The following DNAJC3 variants were observed in gnomAD, a reference collection of about 807,000 sequenced individuals.
DNAJC3 encodes dnaJ homolog subfamily C member 3.
DNAJC3 carries 38 observed loss-of-function variants against 68.6 expected under a neutral mutation model. The ratio of observed to expected loss-of-function variants is 0.55; its 90% CI spans 0.43 to 0.73. The LOEUF is 0.73. Ranked by LOEUF, DNAJC3 falls within the 30% of genes least tolerant of loss-of-function variation. The probability of loss-of-function intolerance (pLI) is 0.00; values close to 1 mark genes in which losing one functional copy is unlikely to be tolerated. For missense variants in DNAJC3, 526 were observed against 591.9 expected, an observed-to-expected ratio of 0.89 and a Z score of 1.16; for synonymous variants, 203 against 204.0, an observed-to-expected ratio of 1.00 and a Z score of 0.04.
intron 4 of DNAJC3, among the ~76,000 whole-genome samples, chr13:95,747,930 G>T (rs1213276228): frequency 1.3e-5 from 2 of 152,194 alleles, no homozygotes; most frequent in Non-Finnish European, 2.9e-5. Flanking sequence ...TTAGGGGAGA[G>T]GGACAGGTAG....
intron 9 of DNAJC3, among the ~76,000 whole-genome samples, chr13:95,769,271 C>T (rs1367526380): frequency 6.6e-6 from 1 of 152,148 alleles, no homozygotes; most frequent in Non-Finnish European, 1.5e-5. Context: ...AGGCCTGCCT[C>T]CTGGGCATGA....
At chr13:95,704,674 T>C (rs1377436675) in intron 1 of DNAJC3, among the ~76,000 whole-genome samples, 1 of 152,110 alleles carries the variant, frequency 6.6e-6, no homozygotes, top group Admixed American at 6.6e-5. Context: ...GGATCCATTA[T>C]GGAAGAGAAC....
chr13:95,776,535 G>A (rs75976353), intron 9 of DNAJC3, among the ~76,000 whole-genome samples: 1,735 of 152,266 alleles, frequency 0.011, 35 homozygotes, highest in African/African-American at 0.04. Flanking sequence ...TGCATTGATC[G>A]ATATGACAGA....
chr13:95,773,152 G>GTTTTTTTTTTTTTT (rs1191609072), intron 9 of DNAJC3, among the ~76,000 whole-genome samples: 1 of 97,822 alleles, frequency 1.0e-5, no homozygotes, highest in Admixed American at 1.1e-4. Flanking sequence ...GACAAATTTA[G>GTTTTTTTTTTTTTT]TTTTTTTTTT....
rs567527997 is a variant in DNAJC3, at chr13:95,792,605, A to G, written c.*1575A>G. ...TTTTTAACTGAGAGACAAAAATCAC[A>G]TAGTTGAATTGAGCAGAACACTTAA... On this transcript the variant is annotated 3_prime_UTR_variant, in exon 12 of 12. Transcript: ENST00000602402. The G allele has an allele frequency of 2.0e-5, 3 of 152,368 alleles. No homozygotes were observed. Among genetic ancestry groups the G allele is most frequent in the Admixed American group, 6.5e-5 (1 of 15,310 alleles). 9.4% of individuals were successfully genotyped at this position (152,368 alleles called of 1,614,324 possible).
At chr13:95,786,134 T>C (rs981693478) in intron 10 of DNAJC3, 63 bp downstream of exon 10, 1 of 1,453,578 alleles carries the variant, frequency 6.9e-7, no homozygotes, top group East Asian at 2.4e-5. Context: ...AAGCTAATCA[T>C]TGCTCTTTTT....
In DNAJC3 at chr13:95,689,853, G is replaced by A. The variant is rs146948472; in HGVS notation, c.82+12516G>A. ...GATTTCTGCTTTAATTTCATTGCTCGCCCAAAAGTAATTCCGGTTGTTTAC... is the reference window on the plus strand; with the variant it reads ...GATTTCTGCTTTAATTTCATTGCTCACCCAAAAGTAATTCCGGTTGTTTAC... On this transcript the variant is annotated intron_variant, in intron 1 of 11. Transcript: ENST00000602402. 2.5e-3 allele frequency among the ~76,000 whole-genome samples: 377 copies of A among 151,940 alleles called. 3 individuals are homozygous for A. The highest frequency in any genetic ancestry group is 3.4e-3 in the Non-Finnish European group (233 of 67,970).
intron 1 of DNAJC3, among the ~76,000 whole-genome samples, chr13:95,687,775 A>G (rs931110669): frequency 1.3e-5 from 2 of 152,202 alleles, no homozygotes; most frequent in African/African-American, 4.8e-5. Flanking sequence ...TTGGTTTTAT[A>G]TGAATTTTAG....
chr13:95,763,980 G>A, intron 9 of DNAJC3, 27 bp downstream of exon 9: 1 of 1,605,834 alleles, frequency 6.2e-7, no homozygotes, highest in Non-Finnish European at 8.5e-7. Context: ...TTGATTTGCA[G>A]TACCGAAGTG....
chr13:95,704,839 C>CTG (rs990886148), intron 1 of DNAJC3, among the ~76,000 whole-genome samples: 110 of 112,026 alleles, frequency 9.8e-4, no homozygotes, highest in Middle Eastern at 5.0e-3. Flanking sequence ...AAGGACTAAT[C>CTG]TGTGTGTGTG....
chr13:95,723,298 A>G lies in DNAJC3; in HGVS notation c.250A>G (p.Met84Val), dbSNP rs781060301. The change falls in exon 3 of 12, where the codon ATG (methionine) becomes GTG (valine). Residue 84 changes from methionine (M) to valine (V), a missense_variant. Met to Val is a conservative substitution (Grantham distance 21, BLOSUM62 1). Transcript: ENST00000602402. ...YYRRATVFLA[M>V]GKSKAALPDL... ...TCGGAGGGCTACTGTCTTTTTAGCTATGGGCAAATCAAAAGCTGCACTTCC... is the reference window on the plus strand; with the variant it reads ...TCGGAGGGCTACTGTCTTTTTAGCTGTGGGCAAATCAAAAGCTGCACTTCC... The G allele has an allele frequency of 5.6e-6, 9 of 1,612,050 alleles. No homozygotes were observed. The African/African-American group carries it at 8.0e-5, about 14-fold the overall frequency.
intron 9 of DNAJC3, among the ~76,000 whole-genome samples, chr13:95,779,268 C>T (rs17884183): frequency 0.012 from 1,787 of 151,620 alleles, 33 homozygotes; most frequent in African/African-American, 0.041. Flanking sequence ...GGACTACAGG[C>T]GCCCGCCACC....
chr13:95,709,230 C>A lies in DNAJC3; in HGVS notation c.86C>A (p.Ala29Asp). The change falls in exon 2 of 12, where the codon GCT (alanine) becomes GAT (aspartate). Residue 29 changes from alanine (A) to aspartate (D), a missense_variant. By Grantham distance (126) the Ala-to-Asp change is moderately radical (BLOSUM62 -2). Coordinates refer to ENST00000602402, the MANE Select transcript of DNAJC3 (RefSeq NM_006260.5). ...LVLVDLQYEG[A>D]ECGVNADVEK... Reference sequence around the variant, plus strand: ...TTGTTTTTAATTTTATTTTTAGGTGCTGAATGTGGAGTAAATGCAGATGTT... The same window carrying A: ...TTGTTTTTAATTTTATTTTTAGGTGATGAATGTGGAGTAAATGCAGATGTT... The A allele has an allele frequency of 6.5e-7, 1 of 1,537,968 alleles. No homozygotes were observed. The highest frequency in any genetic ancestry group is 8.8e-7 in the Non-Finnish European group (1 of 1,139,732).
intron 10 of DNAJC3, 67 bp downstream of exon 10, chr13:95,786,138 T>C: frequency 7.0e-7 from 1 of 1,420,536 alleles, no homozygotes; most frequent in East Asian, 2.5e-5. Flanking sequence ...TAATCATTGC[T>C]CTTTTTCCTC....
chr13:95,778,860 A>G (rs1485608241), intron 9 of DNAJC3, among the ~76,000 whole-genome samples: 2 of 152,016 alleles, frequency 1.3e-5, no homozygotes, highest in African/African-American at 4.8e-5. Flanking sequence ...GTTATGTCAC[A>G]TTGTGTTTTT....
At chr13:95,679,526 A>C (rs1013334415) in intron 1 of DNAJC3, among the ~76,000 whole-genome samples, 1 of 152,122 alleles carries the variant, frequency 6.6e-6, no homozygotes, top group Non-Finnish European at 1.5e-5. Context: ...GAATTAGCAA[A>C]CCGTTAGCCC....
chr13:95,742,826 C>T (rs773379359), intron 4 of DNAJC3: 5 of 518,742 alleles, frequency 9.6e-6, no homozygotes, highest in African/African-American at 1.9e-5. Context: ...GTGGACTGTG[C>T]GTTTGGTGTC....
intron 1 of DNAJC3, among the ~76,000 whole-genome samples, chr13:95,703,423 A>G (rs1382687701): frequency 1.3e-5 from 2 of 152,230 alleles, no homozygotes; most frequent in Non-Finnish European, 2.9e-5. Context: ...AAGTGGCACC[A>G]AATGCACAGT....
intron 9 of DNAJC3, among the ~76,000 whole-genome samples, chr13:95,768,924 G>A (rs1037953469): frequency 2.6e-5 from 4 of 152,028 alleles, no homozygotes; most frequent in Non-Finnish European, 5.9e-5. Context: ...GCAGTGAGCC[G>A]AGATCACGCC....
Sources: gnomAD v4.1 joint callset for allele counts (sites outside exome capture counted in the v4.1 genomes callset) on GRCh38, gnomAD v4.1.1 for gene constraint, MANE v1.5 for transcripts, NCBI Gene and HGNC (gene_info 2026-07-23, HGNC 2026-07-21) for gene names.